STK32B: variants seen among roughly 807,000 people sequenced by gnomAD.
STK32B encodes serine/threonine kinase 32B.
A neutral mutation model predicts 52.6 loss-of-function variants in STK32B; 43 were observed. That is an observed-to-expected ratio of 0.82 (90% CI 0.64 to 1.05). The LOEUF (loss-of-function observed/expected upper bound fraction) is 1.05. Ranked by LOEUF, STK32B falls within the 50% of genes least tolerant of loss-of-function variation. The pLI, the probability that STK32B is intolerant of heterozygous loss-of-function variation, is 0.00. For missense variants in STK32B, 621 were observed against 534.6 expected (o/e 1.16, Z -1.59); for synonymous variants, 238 against 204.3 (o/e 1.17, Z -1.41).
At chr4:5,468,759 G>A (rs1408110848) in intron 11 of STK32B, among the ~76,000 whole-genome samples, 1 of 152,126 alleles carries the variant, frequency 6.6e-6, no homozygotes, top group Non-Finnish European at 1.5e-5. Flanking sequence ...CTCGGTTCCA[G>A]CCAATGATAA....
chr4:5,081,026 A>C (rs1193767117), intron 1 of STK32B, among the ~76,000 whole-genome samples: 1 of 152,174 alleles, frequency 6.6e-6, no homozygotes, highest in Non-Finnish European at 1.5e-5. Context: ...TTTAGAGATC[A>C]CATATAAGTG....
intron 3 of STK32B, among the ~76,000 whole-genome samples, chr4:5,303,021 T>A (rs908557044): frequency 6.6e-6 from 1 of 151,998 alleles, no homozygotes; most frequent in African/African-American, 2.4e-5. Context: ...TATATGTATA[T>A]GTGGGTGTGT....
At chr4:5,033,510 C>A in the STK32B span, among the ~76,000 whole-genome samples, 1 of 152,368 alleles carries the variant, frequency 6.6e-6, no homozygotes, top group East Asian at 1.9e-4. Context: ...GAAACTGGCT[C>A]AGCCTCTTCT....
At chr4:5,039,020 T>C in the STK32B span, among the ~76,000 whole-genome samples, 2 of 144,098 alleles carry the variant, frequency 1.4e-5, no homozygotes, top group Admixed American at 7.0e-5. Context: ...GGGATCTTAC[T>C]CTTTTGCCCA....
the STK32B span, among the ~76,000 whole-genome samples, chr4:5,022,035 G>A: frequency 1.3e-5 from 2 of 152,118 alleles, no homozygotes; most frequent in Admixed American, 1.3e-4. Context: ...GAGACAAGGA[G>A]AAACAGCCTG....
At chr4:5,325,516 A>T (rs1324765138) in intron 3 of STK32B, among the ~76,000 whole-genome samples, 1 of 151,908 alleles carries the variant, frequency 6.6e-6, no homozygotes, top group Admixed American at 6.6e-5. Context: ...CTGTGACTTG[A>T]TCTTTGTCTT....
chr4:5,165,189 T>C (rs1718774604), intron 2 of STK32B, among the ~76,000 whole-genome samples: 1 of 152,208 alleles, frequency 6.6e-6, no homozygotes, highest in African/African-American at 2.4e-5. Flanking sequence ...CACTCAGGTC[T>C]CTGCATCAAG....
intron 3 of STK32B, among the ~76,000 whole-genome samples, chr4:5,181,820 C>G (rs1345762424): frequency 6.6e-6 from 1 of 152,204 alleles, no homozygotes; most frequent in African/African-American, 2.4e-5. Flanking sequence ...GTTGACTGAT[C>G]AGAGCAGTGA....
At chr4:5,106,626 T>TATAG (rs1023441237) in intron 1 of STK32B, among the ~76,000 whole-genome samples, 1 of 152,210 alleles carries the variant, frequency 6.6e-6, no homozygotes, top group African/African-American at 2.4e-5. Context: ...ATATGCCATT[T>TATAG]ATAGATTGTT....
At chr4:5,235,257 T>A (rs1386736099) in intron 3 of STK32B, among the ~76,000 whole-genome samples, 3 of 152,228 alleles carry the variant, frequency 2.0e-5, no homozygotes, top group Non-Finnish European at 4.4e-5. Flanking sequence ...ACTGCACATG[T>A]GTGCACACAG....
chr4:5,287,501 A>T (rs1010231376), intron 3 of STK32B, among the ~76,000 whole-genome samples: 1 of 152,130 alleles, frequency 6.6e-6, no homozygotes, highest in East Asian at 1.9e-4. Context: ...TTTATTTTTG[A>T]ATAGATACAT....
intron 11 of STK32B, among the ~76,000 whole-genome samples, chr4:5,472,017 T>C (rs552496563): frequency 1.3e-5 from 2 of 152,324 alleles, no homozygotes; most frequent in Admixed American, 6.5e-5. Flanking sequence ...CAGAAAGCTC[T>C]TGGGGAGAGA....
intron 1 of STK32B, among the ~76,000 whole-genome samples, chr4:5,062,568 A>C (rs1392389059): frequency 6.6e-6 from 1 of 151,982 alleles, no homozygotes; most frequent in Non-Finnish European, 1.5e-5. Flanking sequence ...GTGCAGTGGC[A>C]CAATCTCAGC....
At chr4:5,318,454 C>T (rs1475447764) in intron 3 of STK32B, among the ~76,000 whole-genome samples, 1 of 150,940 alleles carries the variant, frequency 6.6e-6, no homozygotes, top group African/African-American at 2.4e-5. Flanking sequence ...GAATGAAAGC[C>T]AAAATAAATA....
At position 5,394,334 on chromosome 4, in the gene STK32B, C is replaced by G. The variant is rs1238829394; in HGVS notation, c.435-3873C>G. On this transcript the variant is annotated intron_variant, in intron 4 of 11. Coordinates refer to ENST00000282908, the MANE Select transcript of STK32B (RefSeq NM_018401.3). The surrounding 1 kb of genome is among the most constrained non-coding windows in gnomAD (Gnocchi z 4.2). The stretch of plus-strand genomic sequence containing the variant: ...CCGCCTTCCCATCCATGCAATGCTC[C>G]TGATGCCCTTTCTGAACGTTCAAAC... Among the ~76,000 whole-genome samples the G allele has an allele frequency of 1.3e-5, 2 of 152,196 alleles. No individual in the cohort carries two copies. The highest frequency in any genetic ancestry group is 3.9e-4 in the East Asian group (2 of 5,192).
intron 11 of STK32B, among the ~76,000 whole-genome samples, chr4:5,482,413 T>C (rs1718791844): frequency 6.6e-6 from 1 of 152,194 alleles, no homozygotes; most frequent in Admixed American, 6.5e-5. Flanking sequence ...TTAGAATGCT[T>C]GTGATTTTTG....
At chr4:5,039,076 T>C in the STK32B span, among the ~76,000 whole-genome samples, 4 of 148,488 alleles carry the variant, frequency 2.7e-5, no homozygotes, top group Non-Finnish European at 5.9e-5. Flanking sequence ...AGTCTCCAAC[T>C]CCTGGGCTCA....
At chr4:5,167,791 G>C (rs1215896498) in intron 2 of STK32B, among the ~76,000 whole-genome samples, 1 of 152,174 alleles carries the variant, frequency 6.6e-6, no homozygotes, top group Non-Finnish European at 1.5e-5. Flanking sequence ...CTGCTACATG[G>C]GCAGCAAAGT....
rs138338077 is a variant in STK32B, at chr4:5,289,821, G to A, written c.261-41399G>A. Among the ~76,000 whole-genome samples the A allele has an allele frequency of 2.1e-3, 314 of 148,988 alleles. 1 individual carries two copies. The highest frequency in any genetic ancestry group is 7.1e-3 in the African/African-American group (289 of 40,804). On this transcript the variant is annotated intron_variant, in intron 3 of 11. Transcript: ENST00000282908. ...GCCCCCCAAAGTGCTGGGATTACAAGCGTGATGAGCCACCACGCCCGGCCT... is the reference window on the plus strand; with the variant it reads ...GCCCCCCAAAGTGCTGGGATTACAAACGTGATGAGCCACCACGCCCGGCCT...
Sources: gnomAD v4.1 joint callset for allele counts (sites outside exome capture counted in the v4.1 genomes callset) on GRCh38, gnomAD v4.1.1 for gene constraint, Gnocchi (gnomAD v3.1) non-coding constraint, MANE v1.5 for transcripts, NCBI Gene and HGNC (gene_info 2026-07-23, HGNC 2026-07-21) for gene names.